Variants in DGKI observed in about 807,000 individuals in gnomAD.
DGKI encodes DAG kinase iota.
DGKI carries 55 observed loss-of-function variants against 147.5 expected under a neutral mutation model. That is an observed-to-expected ratio of 0.37 (90% CI 0.30 to 0.47). DGKI has a LOEUF of 0.47. Among genes scored for constraint, DGKI ranks in the 20% least tolerant of loss-of-function variants. The pLI is 1.00. For missense variants in DGKI, 1,007 were observed against 1,323.8 expected (o/e 0.76, Z 3.71); for synonymous variants, 469 against 477.1 (o/e 0.98, Z 0.22).
Position 137,846,849 on chromosome 7 carries a change from C to T in DGKI, c.14G>A (p.Gly5Glu). Reference sequence around the variant, plus strand: ...CAGGGGCAGCAAATGGCAGCCCCTTCCCGCAGCATCCATCCGCGGCTGCAC... The same window carrying T: ...CAGGGGCAGCAAATGGCAGCCCCTTTCCGCAGCATCCATCCGCGGCTGCAC... The part of the protein sequence containing the change: MDAA[G>E]RGCHLLPLPA... The change falls in exon 1 of 33, where the codon GGA (glycine) becomes GAA (glutamate). Residue 5 changes from glycine (G) to glutamate (E), a missense_variant. By Grantham distance (98) the Gly-to-Glu change is moderately conservative. This residue lies in a region of DGKI where 137 missense variants were observed against 114.4 expected (regional missense o/e 1.20). Coordinates refer to ENST00000614521, the MANE Select transcript of DGKI (RefSeq NM_001321708.2). This position sits in a 1 kb window ranked among gnomAD's most constrained non-coding sequence, Gnocchi z 4.0. 8.7e-7 allele frequency: 1 copy of T among 1,153,328 alleles called. No individual in the cohort carries two copies. The highest frequency in any genetic ancestry group is 4.2e-5 in the South Asian group (1 of 23,614). The allele number at this position is 1,153,328 out of a possible 1,614,324, so 71.4% of individuals were successfully genotyped here.
chr7:137,779,613 A>T (rs752879587), intron 1 of DGKI, among the ~76,000 whole-genome samples: 22 of 152,198 alleles, frequency 1.4e-4, no homozygotes, highest in Non-Finnish European at 2.8e-4. Flanking sequence ...CTACTAATAA[A>T]CATTTTTAAA....
intron 8 of DGKI, among the ~76,000 whole-genome samples, chr7:137,612,380 G>T (rs1215463455): frequency 6.6e-6 from 1 of 152,108 alleles, no homozygotes; most frequent in Non-Finnish European, 1.5e-5. Flanking sequence ...ACGCATCTAT[G>T]TGAGCTCTGA....
intron 3 of DGKI, among the ~76,000 whole-genome samples, chr7:137,658,553 C>T (rs187412083): frequency 1.9e-4 from 29 of 152,282 alleles, no homozygotes; most frequent in Middle Eastern, 3.4e-3. Context: ...GCCTGAAAAG[C>T]CTCCCTCCTT....
intron 19 of DGKI, among the ~76,000 whole-genome samples, chr7:137,552,860 A>C (rs1246051433): frequency 6.6e-6 from 1 of 152,148 alleles, no homozygotes; most frequent in East Asian, 1.9e-4. Context: ...GGTTGCAGTG[A>C]GCCGAGGTCA....
chr7:137,673,220 C>T (rs747619866), intron 3 of DGKI, among the ~76,000 whole-genome samples: 5 of 152,124 alleles, frequency 3.3e-5, no homozygotes, highest in African/African-American at 9.7e-5. Flanking sequence ...AGTCCTGAGG[C>T]GTCAGGACTT....
chr7:137,570,376 T>A (rs756069920), intron 19 of DGKI, among the ~76,000 whole-genome samples: 1 of 152,216 alleles, frequency 6.6e-6, no homozygotes, highest in African/African-American at 2.4e-5. Context: ...GATCTCAATA[T>A]TGTGGCAACT....
chr7:137,690,783 T>C (rs1823575231), intron 1 of DGKI, among the ~76,000 whole-genome samples: 1 of 151,952 alleles, frequency 6.6e-6, no homozygotes. Context: ...AAAGCAAATA[T>C]GATCATTGCT....
chr7:137,625,574 GCA>G (rs1291239708), intron 6 of DGKI, among the ~76,000 whole-genome samples: 2 of 152,044 alleles, frequency 1.3e-5, no homozygotes, highest in Non-Finnish European at 2.9e-5. Context: ...CCAATTGACA[GCA>G]CAGTTAAGAG....
chr7:137,489,363 A>G (rs1329247114), intron 21 of DGKI, among the ~76,000 whole-genome samples: 1 of 152,200 alleles, frequency 6.6e-6, no homozygotes, highest in Non-Finnish European at 1.5e-5. Context: ...AGTAGAGGAT[A>G]AGGAGCACTT....
intron 6 of DGKI, among the ~76,000 whole-genome samples, chr7:137,644,204 A>C (rs1337329467): frequency 1.3e-5 from 2 of 152,132 alleles, no homozygotes; most frequent in Non-Finnish European, 2.9e-5. Flanking sequence ...AATCAGTACA[A>C]ATCTTTCCAC....
chr7:137,682,671 A>G (rs1031965479), intron 2 of DGKI, among the ~76,000 whole-genome samples: 3 of 152,334 alleles, frequency 2.0e-5, no homozygotes, highest in South Asian at 2.1e-4. Context: ...TCCTGGACAC[A>G]TAGTTAGACT....
At chr7:137,722,272 G>A in intron 1 of DGKI, 1 of 1,609,696 alleles carries the variant, frequency 6.2e-7, no homozygotes, top group Non-Finnish European at 8.5e-7. Flanking sequence ...TACAAAACCA[G>A]TTGGTGGTGA....
rs200639520 is a variant in DGKI at position 137,656,489 on chromosome 7, C to T, written c.658G>A (p.Ala220Thr). 1.6e-5 allele frequency: 26 copies of T among 1,613,890 alleles called. No homozygotes were observed. The highest frequency in any genetic ancestry group is 1.6e-4 in the Middle Eastern group (1 of 6,084). ...ACCTTTTCTAGCTGCTCAATGCAGG[C>T]GGTGTGGACGACGATTTTACAGACT... ...CAVCKIVVHT[A>T]CIEQLEKINF... Residue 220 changes from alanine (A) to threonine (T), a missense_variant, in exon 4 of 33, where the codon GCC becomes ACC. Physicochemically the swap from Ala to Thr is moderately conservative, Grantham distance 58 (BLOSUM62 0). Transcript: ENST00000614521.
At chr7:137,517,628 G>A (rs946053399) in intron 21 of DGKI, among the ~76,000 whole-genome samples, 4 of 152,226 alleles carry the variant, frequency 2.6e-5, no homozygotes, top group Middle Eastern at 3.4e-3. Context: ...GAAAAACTGG[G>A]GGAGGAATGC....
At chr7:137,404,926 G>A (rs1811887158) in intron 30 of DGKI, among the ~76,000 whole-genome samples, 3 of 152,160 alleles carry the variant, frequency 2.0e-5, no homozygotes, top group African/African-American at 7.2e-5. Context: ...TGTGCCAGAT[G>A]AATTGATGCC....
chr7:137,673,736 T>G (rs1822932321), intron 3 of DGKI, among the ~76,000 whole-genome samples: 1 of 152,192 alleles, frequency 6.6e-6, no homozygotes, highest in African/African-American at 2.4e-5. Context: ...GTGTATAATT[T>G]GCATATCAAT....
At chr7:137,570,545 T>C (rs1461173621) in intron 19 of DGKI, among the ~76,000 whole-genome samples, 2 of 152,032 alleles carry the variant, frequency 1.3e-5, no homozygotes, top group Non-Finnish European at 2.9e-5. Context: ...CAAAAAAGTA[T>C]AAAATGCTAT....
intron 21 of DGKI, among the ~76,000 whole-genome samples, chr7:137,504,349 AAACT>A (rs1223850380): frequency 3.9e-5 from 6 of 152,224 alleles, no homozygotes; most frequent in African/African-American, 7.2e-5. Flanking sequence ...AAGCACAAAC[AAACT>A]ATCTTCAATA....
At chr7:137,618,151 A>ATATATATTTTTTTT in intron 8 of DGKI, among the ~76,000 whole-genome samples, 1 of 10,462 alleles carries the variant, frequency 9.6e-5, no homozygotes, top group Non-Finnish European at 6.1e-4. Context: ...ATATATATAT[A>ATATATATTTTTTTT]TTTTTTTTTT....
Sources: gnomAD v4.1 joint callset for allele counts (sites outside exome capture counted in the v4.1 genomes callset) on GRCh38, gnomAD v4.1.1 for gene constraint, gnomAD v4.1.1 regional missense constraint, Gnocchi (gnomAD v3.1) non-coding constraint, MANE v1.5 for transcripts, NCBI Gene and HGNC (gene_info 2026-07-23, HGNC 2026-07-21) for gene names.